The following ACSM3 variants were observed in gnomAD, a reference collection of about 807,000 sequenced individuals.
ACSM3 encodes the protein acyl-CoA synthetase medium chain family member 3.
In ACSM3, 61 loss-of-function variants were observed where a neutral mutation model predicts 74.1. The observed-to-expected ratio is 0.82, with a 90% CI of 0.67 to 1.02. The LOEUF (loss-of-function observed/expected upper bound fraction) is 1.02, where lower values mean the gene tolerates loss of function less well. Ranked by LOEUF, ACSM3 falls within the 50% of genes least tolerant of loss-of-function variation. ACSM3 has a pLI of 0.00. For missense variants in ACSM3, 660 were observed against 697.0 expected (o/e 0.95, Z 0.60); for synonymous variants, 213 against 241.5 (o/e 0.88, Z 1.09).
intron 1 of ACSM3, chr16:20,735,442 T>C (rs2079861027): frequency 6.6e-6 from 1 of 151,964 alleles, no homozygotes; most frequent in African/African-American, 2.4e-5. Context: ...TTTTGTAACA[T>C]TATTCAGAAC....
intron 6 of ACSM3, 120 bp downstream of exon 6, chr16:20,781,250 C>A: frequency 1.6e-6 from 2 of 1,276,054 alleles, no homozygotes; most frequent in Non-Finnish European, 2.2e-6. Context: ...AGATATGTCA[C>A]ATCCAGAAAG....
intron 7 of ACSM3, chr16:20,783,441 A>C (rs756616169): frequency 2.0e-5 from 3 of 152,146 alleles, no homozygotes; most frequent in Non-Finnish European, 4.4e-5. Flanking sequence ...CTAATCCAAA[A>C]ACATGAAACC....
At chr16:20,696,878 C>T (rs914745735) in intron 1 of ACSM3, among the ~76,000 whole-genome samples, 1 of 152,178 alleles carries the variant, frequency 6.6e-6, no homozygotes, top group South Asian at 2.1e-4. Flanking sequence ...AGATGTTTGT[C>T]TCTGTTGTCT....
chr16:20,701,639 A>G (rs948072393), intron 1 of ACSM3, among the ~76,000 whole-genome samples: 1 of 152,162 alleles, frequency 6.6e-6, no homozygotes, highest in African/African-American at 2.4e-5. Context: ...TCCGTCATCT[A>G]GGTTTTAAGC....
At chr16:20,737,844 T>TA in intron 1 of ACSM3, 1 of 1,613,904 alleles carries the variant, frequency 6.2e-7, no homozygotes, top group Non-Finnish European at 8.5e-7. Flanking sequence ...TCATATCTTC[T>TA]AAAAAAGCCT....
intron 1 of ACSM3, among the ~76,000 whole-genome samples, chr16:20,676,711 A>G (rs1373318383): frequency 6.6e-6 from 1 of 152,198 alleles, no homozygotes; most frequent in Non-Finnish European, 1.5e-5. Flanking sequence ...GTGGGCGTGA[A>G]CACAGTCATG....
intron 2 of ACSM3, among the ~76,000 whole-genome samples, chr16:20,774,203 TTGAAA>T (rs1346293932): frequency 6.6e-6 from 1 of 152,050 alleles, no homozygotes; most frequent in East Asian, 1.9e-4. Context: ...TTCTATTTGT[TTGAAA>T]TATTATTTTC....
chr16:20,782,591 A>C (rs568685001), intron 7 of ACSM3, among the ~76,000 whole-genome samples: 12 of 152,372 alleles, frequency 7.9e-5, no homozygotes, highest in African/African-American at 2.9e-4. Flanking sequence ...GATTTAATTC[A>C]GTCTGACATT....
intron 1 of ACSM3, among the ~76,000 whole-genome samples, chr16:20,717,970 AAG>A (rs1352124165): frequency 9.3e-6 from 1 of 107,906 alleles, no homozygotes; most frequent in African/African-American, 3.9e-5. Context: ...GAAGAAGAAG[AAG>A]AAGAAGAAGA....
At chr16:20,723,353 T>C (rs1033632085) in intron 1 of ACSM3, among the ~76,000 whole-genome samples, 2 of 152,204 alleles carry the variant, frequency 1.3e-5, no homozygotes, top group Non-Finnish European at 2.9e-5. Context: ...TACGTGTGCA[T>C]GTGTCTTTAT....
rs1491230287 is a variant in ACSM3, at chr16:20,685,847, C to CAAAA, written c.-190+11028_-190+11031dup. On this transcript the variant is annotated intron_variant, in intron 1 of 3. Coordinates refer to the ACSM3 transcript ENST00000561584. ...AAAAAAAAAACAAACAAAAAAAAAA[C>CAAAA]AAAAAACTTATAGCATCAGGAGAGG... Among the ~76,000 whole-genome samples the CAAAA allele has an allele frequency of 1.3e-4, 12 of 91,032 alleles. 3 individuals carry two copies. Among genetic ancestry groups the CAAAA allele is most frequent in the South Asian group, 8.2e-4 (2 of 2,452 alleles). 59.7% of individuals were successfully genotyped at this position (91,032 alleles called of 152,430 possible). A position where few individuals can be genotyped will look rare whatever the true frequency, so the allele number is the denominator to read the frequency against.
Position 20,698,595 on chromosome 16 carries a change from G to A in ACSM3, c.-190+23773G>A, listed in dbSNP as rs1489951578. Among the ~76,000 whole-genome samples, 9 of 152,142 alleles carry A rather than the reference G, an allele frequency of 5.9e-5. No homozygotes were observed. The South Asian group carries it at 1.0e-3, about 18-fold the overall frequency. ...ATGGTCTTGGCTCACTGCAACCTCC[G>A]CCTCCCAGGTTTAATTGAGTCTCTT... On this transcript the variant is annotated intron_variant, in intron 1 of 3. Transcript: ENST00000561584.
chr16:20,756,353 G>A (rs1175370212), intron 3 of ACSM3, among the ~76,000 whole-genome samples: 2 of 151,982 alleles, frequency 1.3e-5, no homozygotes, highest in Non-Finnish European at 2.9e-5. Context: ...GTATCTCATT[G>A]TGGTTTTGAT....
intron 1 of ACSM3, chr16:20,741,947 C>T: frequency 6.5e-7 from 1 of 1,531,562 alleles, no homozygotes; most frequent in East Asian, 2.5e-5. Context: ...CCGCCTCCTG[C>T]CCCGCCTCCC....
chr16:20,716,032 T>A (rs1481377759), intron 1 of ACSM3, among the ~76,000 whole-genome samples: 1 of 125,550 alleles, frequency 8.0e-6, no homozygotes, highest in Non-Finnish European at 1.9e-5. Flanking sequence ...CATCTTTATA[T>A]GGTGGCTAAG....
chr16:20,680,628 G>A (rs776298283), intron 1 of ACSM3: 6 of 152,226 alleles, frequency 3.9e-5, no homozygotes, highest in Admixed American at 6.5e-5. Context: ...GTTGGGGAAA[G>A]GCTTTCACAG....
intron 1 of ACSM3, among the ~76,000 whole-genome samples, chr16:20,695,353 TC>T (rs1386365264): frequency 6.6e-6 from 1 of 152,206 alleles, no homozygotes; most frequent in Non-Finnish European, 1.5e-5. Context: ...CAAAAAGCAT[TC>T]AGCACGGACA....
intron 1 of ACSM3, chr16:20,737,631 CT>C: frequency 1.4e-6 from 2 of 1,456,890 alleles, no homozygotes; most frequent in Non-Finnish European, 9.2e-7. Context: ...AGCCTTAAAT[CT>C]TTAAAAAGAA....
chr16:20,678,611 G>A (rs1010939899), intron 1 of ACSM3, among the ~76,000 whole-genome samples: 1 of 152,194 alleles, frequency 6.6e-6, no homozygotes, highest in South Asian at 2.1e-4. Context: ...GTTGTTAAAA[G>A]ACATTATTCC....
Sources: allele counts gnomAD v4.1 joint callset (sites outside exome capture counted in the v4.1 genomes callset), GRCh38; gene constraint gnomAD v4.1.1; transcripts MANE v1.5; gene names NCBI Gene and HGNC (gene_info 2026-07-23, HGNC 2026-07-21).